ZKSCAN5: variants seen among roughly 807,000 people sequenced by gnomAD.
The protein encoded by ZKSCAN5 is zinc finger with KRAB and SCAN domains 5, also known as zinc finger protein with KRAB and SCAN domains 5.
A neutral mutation model predicts 60.0 loss-of-function variants in ZKSCAN5; 28 were observed. The observed-to-expected ratio is 0.47, with a 90% CI of 0.35 to 0.64. ZKSCAN5 has a LOEUF of 0.64. Ranked by LOEUF, ZKSCAN5 falls within the 30% of genes least tolerant of loss-of-function variation. ZKSCAN5 has a pLI of 0.01. For synonymous variants in ZKSCAN5, 361 were observed against 371.2 expected (o/e 0.97, Z 0.31); for missense variants, 881 against 1,034.6 (o/e 0.85, Z 2.04).
chr7:99,508,184 A>C (rs1038729417), intron 2 of ZKSCAN5, among the ~76,000 whole-genome samples: 10 of 152,014 alleles, frequency 6.6e-5, no homozygotes, highest in Admixed American at 3.9e-4. Context: ...CTGTAATCCC[A>C]GGCACTCGGG....
At chr7:99,505,716 T>G (rs1380905649) in intron 1 of ZKSCAN5, 1 of 217,808 alleles carries the variant, frequency 4.6e-6, no homozygotes, top group African/African-American at 2.3e-5. Context: ...GTAAAGTTCT[T>G]CACTCTAAAA....
chr7:99,509,682 G>A (rs568694230), intron 2 of ZKSCAN5, among the ~76,000 whole-genome samples: 1 of 150,410 alleles, frequency 6.6e-6, no homozygotes, highest in African/African-American at 2.4e-5. Flanking sequence ...TAGCCAGGAT[G>A]GTCTCGATAT....
At chr7:99,510,513 C>T (rs954039330) in intron 2 of ZKSCAN5, among the ~76,000 whole-genome samples, 4 of 151,998 alleles carry the variant, frequency 2.6e-5, no homozygotes, top group Admixed American at 6.6e-5. Context: ...GGCACGATCT[C>T]GGCTCACTGC....
chr7:99,531,324 A>G lies in ZKSCAN5; in HGVS notation c.1595A>G (p.Tyr532Cys). ...LGQPSSKRMN[Y>C]SEVPYVHKKS... Reference sequence around the variant, plus strand: ...CAACCATCTTCAAAGAGGATGAACTACAGTGAAGTCCCATATGTCCACAAA... The same window carrying G: ...CAACCATCTTCAAAGAGGATGAACTGCAGTGAAGTCCCATATGTCCACAAA... Residue 532 changes from tyrosine to cysteine, a missense_variant, in exon 7 of 7, where the codon TAC (tyrosine) becomes TGC (cysteine). Tyr to Cys is a radical substitution (Grantham distance 194). Transcript: ENST00000326775. 1 of 1,614,246 alleles carries G rather than the reference A, an allele frequency of 6.2e-7. No individual in the cohort carries two copies. The highest frequency in any genetic ancestry group is 1.7e-5 in the Admixed American group (1 of 60,020).
chr7:99,533,211 G>A lies in ZKSCAN5; in HGVS notation c.*962G>A, dbSNP rs34670419. ...TGTAGAGTGGTGATATACAGAATGA[G>A]TTTCAGTTTGCATTGCAGCTGGGAT... is the stretch of plus-strand genomic sequence containing the variant. On this transcript the variant is annotated 3_prime_UTR_variant, in exon 7 of 7. Transcript: ENST00000326775. 1 of 660,224 alleles carries A rather than the reference G, an allele frequency of 1.5e-6. No homozygotes were observed. Among genetic ancestry groups the A allele is most frequent in the Non-Finnish European group, 2.8e-6 (1 of 358,106 alleles). 40.9% of individuals were successfully genotyped at this position (660,224 alleles called of 1,614,324 possible). A position where few individuals can be genotyped will look rare whatever the true frequency, so the allele number is the denominator to read the frequency against.
intron 5 of ZKSCAN5, among the ~76,000 whole-genome samples, chr7:99,524,897 G>A (rs955932429): frequency 6.6e-6 from 1 of 151,988 alleles, no homozygotes; most frequent in Non-Finnish European, 1.5e-5. Context: ...GACTGGGCGC[G>A]GTGGCTCATG....
At chr7:99,530,233 CCA>C (rs1801983572) in intron 6 of ZKSCAN5, among the ~76,000 whole-genome samples, 2 of 151,980 alleles carry the variant, frequency 1.3e-5, no homozygotes, top group Non-Finnish European at 2.9e-5. Context: ...GTGGGTTTCA[CCA>C]TGTTGGCCAG....
intron 6 of ZKSCAN5, among the ~76,000 whole-genome samples, chr7:99,527,335 C>A (rs957982352): frequency 1.9e-4 from 29 of 152,096 alleles, no homozygotes; most frequent in African/African-American, 6.5e-4. Flanking sequence ...AGTGAGACTT[C>A]TCAAATAACA....
chr7:99,530,705 G>A (rs1444408206), intron 6 of ZKSCAN5, among the ~76,000 whole-genome samples: 2 of 152,060 alleles, frequency 1.3e-5, no homozygotes, highest in East Asian at 1.9e-4. Flanking sequence ...TGTTACTCCC[G>A]TTACATCATA....
Position 99,531,624 on chromosome 7 carries a change from C to T in ZKSCAN5, c.1895C>T (p.Pro632Leu). 1 of 1,614,114 alleles carries T rather than the reference C, an allele frequency of 6.2e-7. No individual in the cohort carries two copies. The highest frequency in any genetic ancestry group is 8.5e-7 in the Non-Finnish European group (1 of 1,180,030). ...QHQSVHSGERPFKCNECGKGF... is the reference protein window; with the variant it reads ...QHQSVHSGERLFKCNECGKGF... ...CAGAGCGTGCACAGTGGGGAGAGAC[C>T]CTTCAAGTGTAACGAATGTGGGAAA... The change falls in exon 7 of 7, where the codon CCC (proline) becomes CTC (leucine). Residue 632 changes from proline (P) to leucine (L), a missense_variant. Coordinates refer to ENST00000326775, the MANE Select transcript of ZKSCAN5 (RefSeq NM_145102.4).
At chr7:99,515,012 G>A (rs1216481081) in intron 3 of ZKSCAN5, among the ~76,000 whole-genome samples, 1 of 151,922 alleles carries the variant, frequency 6.6e-6, no homozygotes, top group Non-Finnish European at 1.5e-5. Flanking sequence ...CCAGGAATTC[G>A]AGGCTGCAGT....
chr7:99,533,809 C>T lies in ZKSCAN5; in HGVS notation c.*1560C>T. 1 of 395,172 alleles carries T rather than the reference C, an allele frequency of 2.5e-6. No individual in the cohort carries two copies. Among genetic ancestry groups the T allele is most frequent in the East Asian group, 3.6e-5 (1 of 27,802 alleles). The allele number at this position is 395,172 out of a possible 1,614,324, so 24.5% of individuals were successfully genotyped here. ...CCTCAAAGGCGTTTCCCAAATAAAT[C>T]ACACTGTCAATCACATGGTTCTGAA... On this transcript the variant is annotated 3_prime_UTR_variant, in exon 7 of 7. Coordinates refer to ENST00000326775, the MANE Select transcript of ZKSCAN5 (RefSeq NM_145102.4).
At chr7:99,526,988 G>A (rs1000139139) in intron 6 of ZKSCAN5, among the ~76,000 whole-genome samples, 1 of 152,098 alleles carries the variant, frequency 6.6e-6, no homozygotes, top group Admixed American at 6.6e-5. Flanking sequence ...TCTCTTATAT[G>A]CTTTTCTCTC....
chr7:99,526,209 C>T lies in ZKSCAN5; in HGVS notation c.1169C>T (p.Thr390Ile). Residue 390 changes from threonine to isoleucine, a missense_variant, in exon 6 of 7, where the codon ACC becomes ATC. By Grantham distance (89) the Thr-to-Ile change is moderately conservative (BLOSUM62 -1). Transcript: ENST00000326775. The stretch of plus-strand genomic sequence containing the variant: ...AGCTACAATCAGCGGGTGCACCTCA[C>T]CCAGCACCAGCGCGTCCACACAGGG... Reference protein sequence around the residue: ...GKSYNQRVHLTQHQRVHTGEK... With the variant: ...GKSYNQRVHLIQHQRVHTGEK... 1.2e-6 allele frequency: 2 copies of T among 1,614,176 alleles called. No individual in the cohort carries two copies. The highest frequency in any genetic ancestry group is 1.7e-6 in the Non-Finnish European group (2 of 1,180,034).
chr7:99,524,276 G>T (rs1417550426), intron 5 of ZKSCAN5, among the ~76,000 whole-genome samples: 1 of 152,068 alleles, frequency 6.6e-6, no homozygotes, highest in Non-Finnish European at 1.5e-5. Flanking sequence ...TTTTCATCAT[G>T]TTGGCCAGGC....
intron 2 of ZKSCAN5, among the ~76,000 whole-genome samples, chr7:99,509,269 G>A (rs1276759580): frequency 1.3e-5 from 2 of 152,162 alleles, no homozygotes; most frequent in Non-Finnish European, 2.9e-5. Flanking sequence ...GATTACAGGC[G>A]TAAGCCACAT....
At chr7:99,517,102 G>A (rs911822488) in intron 3 of ZKSCAN5, among the ~76,000 whole-genome samples, 1 of 152,118 alleles carries the variant, frequency 6.6e-6, no homozygotes, top group Non-Finnish European at 1.5e-5. Context: ...TTTTGCTCTT[G>A]TTACCCAGGC....
chr7:99,520,416 CT>C (rs368250259), intron 5 of ZKSCAN5, 112 bp downstream of exon 5: 39 of 1,287,746 alleles, frequency 3.0e-5, no homozygotes, highest in African/African-American at 1.1e-4. Context: ...TATGACTTTG[CT>C]TTTTTTTATT....
At position 99,531,597 on chromosome 7, in the gene ZKSCAN5, A is replaced by G. The variant is rs1802047832; in HGVS notation, c.1868A>G (p.His623Arg). 1 of 1,614,116 alleles carries G rather than the reference A, an allele frequency of 6.2e-7. No homozygotes were observed. Among genetic ancestry groups the G allele is most frequent in the Admixed American group, 1.7e-5 (1 of 60,004 alleles). The change falls in exon 7 of 7, where the codon CAT (histidine) becomes CGT (arginine). Residue 623 changes from histidine (H) to arginine (R), a missense_variant. By Grantham distance (29) the His-to-Arg change is conservative. Transcript: ENST00000326775. ...AGAGTGAGGTCCCACCTTGTTCAGC[A>G]TCAGAGCGTGCACAGTGGGGAGAGA... is the stretch of plus-strand genomic sequence containing the variant. Reference protein sequence around the residue: ...AFRVRSHLVQHQSVHSGERPF... With the variant: ...AFRVRSHLVQRQSVHSGERPF...
Sources: allele counts gnomAD v4.1 joint callset (sites outside exome capture counted in the v4.1 genomes callset), GRCh38; gene constraint gnomAD v4.1.1; transcripts MANE v1.5; gene names NCBI Gene and HGNC (gene_info 2026-07-23, HGNC 2026-07-21).